The following GXYLT2 variants were observed in gnomAD, a reference collection of about 807,000 sequenced individuals.
The protein encoded by GXYLT2 is glycosyltransferase 8 domain containing 4.
Under a neutral mutation model 45.8 loss-of-function variants are expected in GXYLT2, and 53 were observed. The observed-to-expected ratio is 1.16, with a 90% confidence interval of 0.93 to 1.46. The LOEUF (loss-of-function observed/expected upper bound fraction) is 1.46. Ranked by LOEUF, GXYLT2 falls within the 40% of genes most tolerant of loss-of-function variation. The pLI, the probability that GXYLT2 is intolerant of heterozygous loss-of-function variation, is 0.00. For synonymous variants in GXYLT2, 219 were observed against 214.2 expected (o/e 1.02, Z -0.19); for missense variants, 551 against 544.4 (o/e 1.01, Z -0.12).
intron 3 of GXYLT2, among the ~76,000 whole-genome samples, chr3:72,942,804 A>G (rs1388771534): frequency 6.6e-6 from 1 of 152,168 alleles, no homozygotes; most frequent in African/African-American, 2.4e-5. Flanking sequence ...GGAGGAGACT[A>G]AGGAGATGTG....
intron 2 of GXYLT2, among the ~76,000 whole-genome samples, chr3:72,914,516 T>C (rs1312390963): frequency 6.7e-6 from 1 of 148,418 alleles, no homozygotes; most frequent in Middle Eastern, 3.2e-3. Context: ...TATATATATA[T>C]TTACATATAT....
chr3:72,888,141 G>T lies in GXYLT2; in HGVS notation c.-93G>T. On this transcript the variant is annotated 5_prime_UTR_variant, in exon 1 of 7. Coordinates refer to ENST00000389617, the MANE Select transcript of GXYLT2 (RefSeq NM_001080393.2). ...TCCCCGGCGGGCGGGCGGAGGAGGC[G>T]ACCGCCGCGCGCTGCTGCACTCATC... 5.6e-6 allele frequency: 5 copies of T among 894,668 alleles called. No individual in the cohort carries two copies. In the South Asian group the frequency reaches 2.0e-4, roughly 35 times the overall value. The allele number at this position is 894,668 out of a possible 1,614,324, so 55.4% of individuals were successfully genotyped here. A position where few individuals can be genotyped will look rare whatever the true frequency, so the allele number is the denominator to read the frequency against.
intron 3 of GXYLT2, chr3:72,929,251 G>C (rs568765031): frequency 6.6e-7 from 1 of 1,520,856 alleles, no homozygotes; most frequent in African/African-American, 1.4e-5. Context: ...CCGAGAAACT[G>C]ATGACGTTGC....
intron 3 of GXYLT2, 37 bp from the exon 4 acceptor site, chr3:72,955,061 C>G (rs763482353): frequency 8.1e-6 from 13 of 1,599,878 alleles, no homozygotes; most frequent in Non-Finnish European, 9.4e-6. Context: ...GTTTTCTTCC[C>G]TCCTCTCCCC....
rs772953155 is a variant in GXYLT2, at chr3:72,955,278, T to A, written c.781T>A (p.Tyr261Asn). ...CAGCCGCTTTGCTAGGCATCCTTTC[T>A]ATGGCTCTGCAGGAGTTAATTCAGG... ...WYSRFARHPF[Y>N]GSAGVNSGVM... The change falls in exon 4 of 7, where the codon TAT (tyrosine) becomes AAT (asparagine). Residue 261 changes from tyrosine to asparagine, a missense_variant. Transcript: ENST00000389617. 6.2e-7 allele frequency: 1 copy of A among 1,614,046 alleles called. No individual in the cohort carries two copies. The highest frequency in any genetic ancestry group is 1.1e-5 in the South Asian group (1 of 91,086).
At chr3:72,944,087 C>CTTTT (rs72046930) in intron 3 of GXYLT2, among the ~76,000 whole-genome samples, 5 of 149,742 alleles carry the variant, frequency 3.3e-5, no homozygotes, top group Non-Finnish European at 7.4e-5. Flanking sequence ...ATATTCAAGT[C>CTTTT]TTTTTGTTTG....
chr3:72,924,721 G>A (rs972748038), intron 3 of GXYLT2, among the ~76,000 whole-genome samples: 14 of 152,098 alleles, frequency 9.2e-5, no homozygotes, highest in East Asian at 1.9e-4. Context: ...TGATTGGCTC[G>A]TTGTAAGAGT....
intron 2 of GXYLT2, among the ~76,000 whole-genome samples, chr3:72,910,422 G>C (rs1381161793): frequency 1.3e-5 from 2 of 152,132 alleles, no homozygotes; most frequent in African/African-American, 4.8e-5. Context: ...ATATGACCTT[G>C]GGTTAGTCTT....
At chr3:72,909,838 A>G (rs559539025) in intron 2 of GXYLT2, among the ~76,000 whole-genome samples, 6 of 152,312 alleles carry the variant, frequency 3.9e-5, no homozygotes, top group African/African-American at 1.4e-4. Context: ...TACCAACTTG[A>G]GTCAACAGTG....
chr3:72,912,439 A>G (rs950010838), intron 2 of GXYLT2, among the ~76,000 whole-genome samples: 1 of 152,080 alleles, frequency 6.6e-6, no homozygotes, highest in South Asian at 2.1e-4. Flanking sequence ...ACATGCCACC[A>G]TGCCTTGCCT....
intron 1 of GXYLT2, among the ~76,000 whole-genome samples, chr3:72,895,294 T>G (rs943665773): frequency 4.6e-5 from 7 of 152,134 alleles, no homozygotes; most frequent in African/African-American, 1.7e-4. Flanking sequence ...CCCAACACTG[T>G]TCCCAAGGCC....
intron 3 of GXYLT2, among the ~76,000 whole-genome samples, chr3:72,939,438 A>T (rs1352181187): frequency 1.3e-5 from 2 of 152,074 alleles, no homozygotes; most frequent in African/African-American, 4.8e-5. Flanking sequence ...TTCAAAAACA[A>T]CAACAACTAC....
Position 72,904,877 on chromosome 3 carries a change from CAAAAAA to C in GXYLT2, c.276-3474_276-3469del, listed in dbSNP as rs774693806. 1.6e-4 allele frequency among the ~76,000 whole-genome samples: 5 copies of C among 30,654 alleles called. No homozygotes were observed. The East Asian group carries it at 3.0e-3, about 18-fold the overall frequency. 20.1% of individuals were successfully genotyped at this position (30,654 alleles called of 152,430 possible). A position where few individuals can be genotyped will look rare whatever the true frequency, so the allele number is the denominator to read the frequency against. ...CAAAACCCCATCTCTACTAAAGATA[CAAAAAA>C]AAAAAAAAAAAAAAATTAACCAGGT... On this transcript the variant is annotated intron_variant, in intron 1 of 6. Coordinates refer to ENST00000389617, the MANE Select transcript of GXYLT2 (RefSeq NM_001080393.2).
At chr3:72,942,303 A>G (rs1201900441) in intron 3 of GXYLT2, among the ~76,000 whole-genome samples, 1 of 152,152 alleles carries the variant, frequency 6.6e-6, no homozygotes, top group African/African-American at 2.4e-5. Context: ...TAAATAAATA[A>G]ATGGAGAAAA....
intron 6 of GXYLT2, among the ~76,000 whole-genome samples, chr3:72,971,525 C>T (rs1389664702): frequency 6.6e-6 from 1 of 152,124 alleles, no homozygotes; most frequent in Non-Finnish European, 1.5e-5. Context: ...CCTTGCTGGG[C>T]CTCAGTTTTT....
Position 72,967,578 on chromosome 3 carries a change from C to T in GXYLT2, c.1008C>T (p.Asn336=), listed in dbSNP as rs371147592. 167 of 1,613,770 alleles carry T rather than the reference C, an allele frequency of 1.0e-4. No individual in the cohort carries two copies. In the Middle Eastern group the frequency reaches 1.5e-3, roughly 14 times the overall value. The change falls in exon 6 of 7, where the codon AAC becomes AAT. Residue 336 remains asparagine, a synonymous_variant. Coordinates refer to ENST00000389617, the MANE Select transcript of GXYLT2 (RefSeq NM_001080393.2). The stretch of plus-strand genomic sequence containing the variant: ...TCTATGTATTCCCCTGCCAGTGGAA[C>T]TACCGTCCCGATCACTGCATGTACG... ...ECLYVFPCQW[N]YRPDHCMYGS...
Position 72,888,471 on chromosome 3 carries a change from G to C in GXYLT2, c.238G>C (p.Gly80Arg). The change falls in exon 1 of 7, where the codon GGC becomes CGC. Residue 80 changes from glycine (G) to arginine (R), a missense_variant. By Grantham distance (125) the Gly-to-Arg change is moderately radical. Transcript: ENST00000389617. ...GCCCCCGCGTCCGCGCCCCCGAGCG[G>C]GCCGCCGGGGCGCTGCGAGACTGGA... ...RRPPRPRPRA[G>R]RRGAARLEKL... is the part of the protein sequence containing the mutation. The C allele has an allele frequency of 8.0e-7, 1 of 1,249,134 alleles. No homozygotes were observed. The highest frequency in any genetic ancestry group is 1.0e-6 in the Non-Finnish European group (1 of 992,458). 77.4% of individuals were successfully genotyped at this position (1,249,134 alleles called of 1,614,324 possible). A position where few individuals can be genotyped will look rare whatever the true frequency, so the allele number is the denominator to read the frequency against.
At chr3:72,967,498 G>C in intron 5 of GXYLT2, 49 bp from the exon 6 acceptor site, 1 of 1,433,638 alleles carries the variant, frequency 7.0e-7, no homozygotes, top group East Asian at 2.3e-5. Flanking sequence ...ATGTGCATGA[G>C]AGCTGGCACT....
intron 3 of GXYLT2, among the ~76,000 whole-genome samples, chr3:72,953,078 CAGG>C (rs1264532493): frequency 1.3e-5 from 2 of 152,068 alleles, no homozygotes; most frequent in African/African-American, 4.8e-5. Flanking sequence ...GCAGTTCGCA[CAGG>C]AGAACTAATT....
Sources: allele counts gnomAD v4.1 joint callset (sites outside exome capture counted in the v4.1 genomes callset), GRCh38; gene constraint gnomAD v4.1.1; transcripts MANE v1.5; gene names NCBI Gene and HGNC (gene_info 2026-07-23, HGNC 2026-07-21).